PPARG: variants seen among roughly 807,000 people sequenced by gnomAD.
The protein encoded by PPARG is peroxisome proliferator-activated receptor gamma.
PPARG carries 17 observed loss-of-function variants against 39.2 expected under a neutral mutation model. The observed-to-expected ratio is 0.43, with a 90% CI of 0.30 to 0.65. PPARG has a LOEUF of 0.65. Among genes scored for constraint, PPARG ranks in the 30% least tolerant of loss-of-function variants. PPARG has a pLI of 0.13. For synonymous variants in PPARG, 223 were observed against 215.7 expected (o/e 1.03, Z -0.30); for missense variants, 406 against 585.9 (o/e 0.69, Z 3.17).
At chr3:12,327,734 CA>C (rs2047734681) in intron 2 of PPARG, among the ~76,000 whole-genome samples, 1 of 152,094 alleles carries the variant, frequency 6.6e-6, no homozygotes, top group Non-Finnish European at 1.5e-5. Context: ...GAAAGTTCTT[CA>C]GAAAATATAT....
intron 5 of PPARG, among the ~76,000 whole-genome samples, chr3:12,396,439 A>G (rs1464887892): frequency 2.0e-5 from 3 of 152,124 alleles, no homozygotes; most frequent in Admixed American, 2.0e-4. Flanking sequence ...TTTATTTTTA[A>G]TAAAATTATT....
rs1257522933 is a variant in PPARG at position 12,390,628 on chromosome 3, A to ATTT, written c.391-1984_391-1982dup. ...TTTACATAGTATGTGATAAAGCTGT[A>ATTT]TTTTCTTCCTTTTTTTTTTTTTTTT... On this transcript the variant is annotated intron_variant, in intron 4 of 7. Transcript: ENST00000651735. Among the ~76,000 whole-genome samples the ATTT allele has an allele frequency of 2.4e-3, 235 of 97,380 alleles. 2 individuals are homozygous for ATTT. The highest frequency in any genetic ancestry group is 0.021 in the East Asian group (52 of 2,476). The allele number at this position is 97,380 out of a possible 152,430, so 63.9% of individuals were successfully genotyped here. A position where few individuals can be genotyped will look rare whatever the true frequency, so the allele number is the denominator to read the frequency against.
chr3:12,332,686 T>C (rs1380469948), intron 2 of PPARG, among the ~76,000 whole-genome samples: 1 of 152,128 alleles, frequency 6.6e-6, no homozygotes, highest in African/African-American at 2.4e-5. Flanking sequence ...TATAGGGCAG[T>C]GATTTCAAAA....
At chr3:12,376,407 GATAA>G (rs965556845) in intron 2 of PPARG, among the ~76,000 whole-genome samples, 1 of 152,018 alleles carries the variant, frequency 6.6e-6, no homozygotes, top group Non-Finnish European at 1.5e-5. Flanking sequence ...CCAAAAAAAT[GATAA>G]ATAAATAAAA....
At chr3:12,424,323 G>A (rs1427468632) in intron 7 of PPARG, among the ~76,000 whole-genome samples, 1 of 152,138 alleles carries the variant, frequency 6.6e-6, no homozygotes, top group African/African-American at 2.4e-5. Context: ...TCTGTGACTG[G>A]TTGAGAAATA....
intron 2 of PPARG, among the ~76,000 whole-genome samples, chr3:12,347,763 G>T (rs192879372): frequency 5.9e-5 from 9 of 152,254 alleles, no homozygotes; most frequent in South Asian, 2.1e-4. Flanking sequence ...ACTCCTTCTT[G>T]AATGATACAT....
At chr3:12,372,264 A>G (rs2049245331) in intron 2 of PPARG, among the ~76,000 whole-genome samples, 2 of 152,332 alleles carry the variant, frequency 1.3e-5, no homozygotes, top group Admixed American at 6.5e-5. Flanking sequence ...ATTGTTTAAT[A>G]TAGAACTGGA....
chr3:12,305,909 G>A (rs1215178586), intron 1 of PPARG: 3 of 152,178 alleles, frequency 2.0e-5, no homozygotes, highest in African/African-American at 4.8e-5. Context: ...CCTTCTGAAC[G>A]ATAACTCCAT....
At chr3:12,409,239 T>C (rs774508166) in intron 6 of PPARG, among the ~76,000 whole-genome samples, 2 of 152,220 alleles carry the variant, frequency 1.3e-5, no homozygotes, top group Non-Finnish European at 2.9e-5. Context: ...CTGGACATCA[T>C]TGATGATCTG....
chr3:12,350,682 G>T (rs17036333), intron 2 of PPARG, among the ~76,000 whole-genome samples: 1 of 152,152 alleles, frequency 6.6e-6, no homozygotes, highest in Non-Finnish European at 1.5e-5. Flanking sequence ...ACAATTCCTC[G>T]CCAACCTAAC....
chr3:12,315,132 T>C (rs1254145652), intron 2 of PPARG, among the ~76,000 whole-genome samples: 1 of 152,216 alleles, frequency 6.6e-6, no homozygotes, highest in Non-Finnish European at 1.5e-5. Context: ...TCCCAGCCTC[T>C]AGTAGCAACT....
intron 2 of PPARG, among the ~76,000 whole-genome samples, chr3:12,348,026 A>G (rs926679140): frequency 6.6e-6 from 1 of 152,368 alleles, no homozygotes. Flanking sequence ...CTTATTTCAC[A>G]CAAAAGAAAA....
At chr3:12,303,350 C>G (rs930081586) in intron 1 of PPARG, among the ~76,000 whole-genome samples, 8 of 152,240 alleles carry the variant, frequency 5.3e-5, no homozygotes, top group Middle Eastern at 6.8e-3. Flanking sequence ...GCATGCACCA[C>G]CACACCCGGC....
At chr3:12,412,293 A>G (rs1215008913) in intron 6 of PPARG, among the ~76,000 whole-genome samples, 1 of 152,110 alleles carries the variant, frequency 6.6e-6, no homozygotes, top group African/African-American at 2.4e-5. Flanking sequence ...AAAAAAATTA[A>G]TTACTCTATT....
intron 6 of PPARG, among the ~76,000 whole-genome samples, chr3:12,411,219 T>C (rs1415485701): frequency 3.3e-5 from 5 of 152,216 alleles, no homozygotes; most frequent in Admixed American, 1.3e-4. Flanking sequence ...TTCCAATGGC[T>C]GGACTCAGTT....
intron 2 of PPARG, 78 bp from the exon 3 acceptor site, chr3:12,379,626 A>C (rs1219892110): frequency 7.3e-7 from 1 of 1,372,586 alleles, no homozygotes; most frequent in African/African-American, 1.4e-5. Flanking sequence ...GACTCTTTTC[A>C]TTTCTCTTTC....
intron 2 of PPARG, among the ~76,000 whole-genome samples, chr3:12,317,277 C>T (rs2047415199): frequency 6.6e-6 from 1 of 152,020 alleles, no homozygotes; most frequent in Non-Finnish European, 1.5e-5. Flanking sequence ...TGAATTTTGG[C>T]CTTCGGGTTT....
chr3:12,356,074 A>G (rs2048654372), intron 2 of PPARG, among the ~76,000 whole-genome samples: 1 of 152,212 alleles, frequency 6.6e-6, no homozygotes, highest in Non-Finnish European at 1.5e-5. Flanking sequence ...CTGTCCTGTT[A>G]GCTCCCTTTG....
intron 2 of PPARG, among the ~76,000 whole-genome samples, chr3:12,364,818 T>C (rs977349088): frequency 4.6e-5 from 7 of 152,258 alleles, no homozygotes; most frequent in African/African-American, 1.7e-4. Context: ...CATGTTCACA[T>C]GCCATCTATA....
Sources: allele counts gnomAD v4.1 joint callset (sites outside exome capture counted in the v4.1 genomes callset), GRCh38; gene constraint gnomAD v4.1.1; transcripts MANE v1.5; gene names NCBI Gene and HGNC (gene_info 2026-07-23, HGNC 2026-07-21).